Variants in NHEJ1 observed in about 807,000 individuals in gnomAD.
NHEJ1 encodes non-homologous end-joining factor 1.
In NHEJ1, 22 loss-of-function variants were observed where a neutral mutation model predicts 39.4. That is an observed-to-expected ratio of 0.56 (90% CI 0.40 to 0.80). The LOEUF is 0.80. Among genes scored for constraint, NHEJ1 ranks in the 30% least tolerant of loss-of-function variants. The probability of loss-of-function intolerance (pLI) is 0.00; values close to 1 mark genes in which losing one functional copy is unlikely to be tolerated. For missense variants in NHEJ1, 329 were observed against 357.1 expected (o/e 0.92, Z 0.63); for synonymous variants, 154 against 135.6 (o/e 1.14, Z -0.94).
At chr2:219,138,029 C>T (rs1280120977) in intron 5 of NHEJ1, among the ~76,000 whole-genome samples, 2 of 152,068 alleles carry the variant, frequency 1.3e-5, no homozygotes, top group African/African-American at 2.4e-5. Context: ...TAGGAGGGAG[C>T]ATATTCTCAT....
At chr2:219,129,697 G>A (rs1316604707) in intron 5 of NHEJ1, among the ~76,000 whole-genome samples, 2 of 152,226 alleles carry the variant, frequency 1.3e-5, no homozygotes, top group African/African-American at 4.8e-5. Flanking sequence ...CAGTAATTAT[G>A]GTGTGGTCAA....
intron 5 of NHEJ1, among the ~76,000 whole-genome samples, chr2:219,090,867 T>C (rs1021887897): frequency 1.3e-5 from 2 of 152,260 alleles, no homozygotes; most frequent in African/African-American, 2.4e-5. Flanking sequence ...AGTCTCAGTT[T>C]AAATGTCACT....
At chr2:219,090,995 T>C (rs879344630) in intron 5 of NHEJ1, among the ~76,000 whole-genome samples, 5 of 152,244 alleles carry the variant, frequency 3.3e-5, no homozygotes, top group Non-Finnish European at 7.3e-5. Context: ...CCCATTAGGC[T>C]GTGAGCCCCT....
Position 219,072,634 on chromosome 2 carries a change from T to A in NHEJ1, c.*3747A>T, listed in dbSNP as rs928389021. On this transcript the variant is annotated 3_prime_UTR_variant, in exon 8 of 8. Coordinates refer to ENST00000356853, the MANE Select transcript of NHEJ1 (RefSeq NM_024782.3). ...TAAAACTGACCCTGTTCTCAAAGAG[T>A]ATAACCTAATGAAAGGATGAAAACA... is the stretch of plus-strand genomic sequence containing the variant. Among the ~76,000 whole-genome samples, 2 of 152,138 alleles carry A rather than the reference T, an allele frequency of 1.3e-5. No homozygotes were observed. The highest frequency in any genetic ancestry group is 6.5e-5 in the Admixed American group (1 of 15,274).
chr2:219,122,602 T>C (rs757186249), intron 5 of NHEJ1, among the ~76,000 whole-genome samples: 4 of 152,196 alleles, frequency 2.6e-5, no homozygotes, highest in Admixed American at 6.5e-5. Context: ...GTTTAGGATA[T>C]TGGCATGAAA....
At chr2:219,150,518 T>C (rs1237221282) in intron 3 of NHEJ1, among the ~76,000 whole-genome samples, 1 of 152,198 alleles carries the variant, frequency 6.6e-6, no homozygotes, top group East Asian at 1.9e-4. Context: ...AGGAATTGTT[T>C]TGTTAAATTT....
At chr2:219,130,877 C>T (rs544047161) in intron 5 of NHEJ1, among the ~76,000 whole-genome samples, 7 of 152,144 alleles carry the variant, frequency 4.6e-5, no homozygotes, top group Admixed American at 2.6e-4. Context: ...TCGCTTGAGG[C>T]CAGGAGTTCA....
intron 5 of NHEJ1, among the ~76,000 whole-genome samples, chr2:219,110,359 T>C (rs74355324): frequency 3.3e-5 from 5 of 151,658 alleles, no homozygotes; most frequent in African/African-American, 1.2e-4. Flanking sequence ...CTACAAAAAA[T>C]ATATATATAT....
rs777344947 is a variant in NHEJ1 at position 219,157,543 on chromosome 2, G to A, written c.319C>T (p.Arg107Trp). Residue 107 changes from arginine to tryptophan, a missense_variant, in exon 3 of 8, where the codon CGG becomes TGG. Physicochemically the swap from Arg to Trp is moderately radical, Grantham distance 101 (BLOSUM62 -3). Transcript: ENST00000356853. ...CDCVADALIL[R>W]VRSELSGLPF... Reference sequence around the variant, plus strand: ...AGGCCAGAGAGCTCACTTCGCACCCGTAGAATCAGTGCATCTGCCACACAA... The same window carrying A: ...AGGCCAGAGAGCTCACTTCGCACCCATAGAATCAGTGCATCTGCCACACAA... The A allele has an allele frequency of 6.2e-6, 10 of 1,614,148 alleles. No individual in the cohort carries two copies. The highest frequency in any genetic ancestry group is 2.2e-5 in the South Asian group (2 of 91,088).
At chr2:219,126,122 C>T (rs567235892) in intron 5 of NHEJ1, among the ~76,000 whole-genome samples, 1 of 152,270 alleles carries the variant, frequency 6.6e-6, no homozygotes, top group Admixed American at 6.5e-5. Flanking sequence ...TGGGACTTTG[C>T]CATTTTTCTG....
intron 5 of NHEJ1, among the ~76,000 whole-genome samples, chr2:219,143,311 A>G (rs1021905782): frequency 6.6e-6 from 1 of 152,194 alleles, no homozygotes; most frequent in Non-Finnish European, 1.5e-5. Context: ...TGCAGTAGTC[A>G]TAAGAAGTTC....
In NHEJ1 at chr2:219,108,308, C is replaced by G. The variant is rs1949332130; in HGVS notation, c.589-30102G>C. ...ACAGCAGCCTCCTTTCCTGAATTCTCTAAGTTCATCCAGAGTTGAATCCTG... is the reference window on the plus strand; with the variant it reads ...ACAGCAGCCTCCTTTCCTGAATTCTGTAAGTTCATCCAGAGTTGAATCCTG... On this transcript the variant is annotated intron_variant, in intron 5 of 7. Transcript: ENST00000356853. Among the ~76,000 whole-genome samples, 3 of 152,196 alleles carry G rather than the reference C, an allele frequency of 2.0e-5. No individual in the cohort carries two copies. The South Asian group carries it at 6.2e-4, about 32-fold the overall frequency.
At chr2:219,147,877 C>A in intron 3 of NHEJ1, 82 bp from the exon 4 acceptor site, 1 of 1,404,840 alleles carries the variant, frequency 7.1e-7, no homozygotes, top group South Asian at 1.2e-5. Flanking sequence ...GAAAAAATAC[C>A]GAAAAATAAA....
chr2:219,093,405 C>A (rs978691836), intron 5 of NHEJ1, among the ~76,000 whole-genome samples: 2 of 152,120 alleles, frequency 1.3e-5, no homozygotes, highest in Non-Finnish European at 2.9e-5. Flanking sequence ...ATATAAATGG[C>A]CAGAAGAAGA....
chr2:219,097,998 T>A (rs1949224395), intron 5 of NHEJ1, among the ~76,000 whole-genome samples: 2 of 152,274 alleles, frequency 1.3e-5, no homozygotes, highest in South Asian at 4.1e-4. Context: ...CAGGAAAGTG[T>A]ATTGCTCTGG....
chr2:219,076,080 G>A lies in NHEJ1; in HGVS notation c.*301C>T. On this transcript the variant is annotated 3_prime_UTR_variant, in exon 8 of 8. Coordinates refer to ENST00000356853, the MANE Select transcript of NHEJ1 (RefSeq NM_024782.3). ...GGGAAAGGTAGACAAGGCTTCCTGA[G>A]TGTGTGGTGCTTTCTTGCTGACTTG... 2 of 549,204 alleles carry A rather than the reference G, an allele frequency of 3.6e-6. No individual in the cohort carries two copies. The highest frequency in any genetic ancestry group is 6.4e-6 in the Non-Finnish European group (2 of 313,292). The allele number at this position is 549,204 out of a possible 1,614,324, so 34.0% of individuals were successfully genotyped here. A position where few individuals can be genotyped will look rare whatever the true frequency, so the allele number is the denominator to read the frequency against.
rs33967926 is a variant in NHEJ1, at chr2:219,071,867, T to C, written c.*4514A>G. 0.53 allele frequency among the ~76,000 whole-genome samples: 79,876 copies of C among 152,070 alleles called. 23,710 individuals carry two copies. Among genetic ancestry groups the C allele is most frequent in the Non-Finnish European group, 0.67 (45,576 of 67,962 alleles). ...ATAGCAAAATCTGTTGGGCTCCAAA[T>C]AGAGAAACTGAGTGGGGTGGGACTT... On this transcript the variant is annotated 3_prime_UTR_variant, in exon 8 of 8. Transcript: ENST00000356853.
chr2:219,159,513 T>TTATATATATATGCATATATATATGCA (rs1370871215), intron 1 of NHEJ1, among the ~76,000 whole-genome samples: 2 of 90,090 alleles, frequency 2.2e-5, no homozygotes, highest in East Asian at 4.1e-4. Flanking sequence ...TGACATAACT[T>TTATATATATATGCATATATATATGCA]TATATATATA....
At chr2:219,153,701 G>GGT (rs1553549117) in intron 3 of NHEJ1, among the ~76,000 whole-genome samples, 11 of 130,458 alleles carry the variant, frequency 8.4e-5, no homozygotes, top group African/African-American at 3.0e-4. Flanking sequence ...AAGGGGGGGG[G>GGT]GGTGGAGAGA....
Sources: allele counts gnomAD v4.1 joint callset (sites outside exome capture counted in the v4.1 genomes callset), GRCh38; gene constraint gnomAD v4.1.1; transcripts MANE v1.5; gene names NCBI Gene and HGNC (gene_info 2026-07-23, HGNC 2026-07-21).